KIF9: variants seen among roughly 807,000 people sequenced by gnomAD.
KIF9 encodes the protein kinesin-like protein KIF9.
A neutral mutation model predicts 94.8 loss-of-function variants in KIF9; 68 were observed. That is an observed-to-expected ratio of 0.72 (90% CI 0.59 to 0.88). KIF9 has a LOEUF of 0.88. KIF9 is among the 40% of genes least tolerant of loss of function. The pLI, the probability that KIF9 is intolerant of heterozygous loss-of-function variation, is 0.00. For missense variants in KIF9, 882 were observed against 982.5 expected (o/e 0.90, Z 1.37); for synonymous variants, 343 against 362.1 (o/e 0.95, Z 0.60).
At position 47,228,719 on chromosome 3, in the gene KIF9, G is replaced by A. The variant is rs777490046; in HGVS notation, c.2323-17C>T. The A allele has an allele frequency of 2.5e-6, 4 of 1,610,524 alleles. No individual in the cohort carries two copies. The South Asian group carries it at 4.4e-5, about 18-fold the overall frequency. ...GTAATTATGCTGGACACAGAGGGAA[G>A]AGAAAACAGGAACTTATTAGGAGGG... On this transcript the variant is annotated splice_polypyrimidine_tract_variant and intron_variant, in intron 20 of 20. Transcript: ENST00000684063.
At chr3:47,280,409 T>C (rs1425864899) in intron 1 of KIF9, among the ~76,000 whole-genome samples, 1 of 152,184 alleles carries the variant, frequency 6.6e-6, no homozygotes, top group Non-Finnish European at 1.5e-5. Context: ...ACAGGCCAGT[T>C]CAGAGCATCA....
chr3:47,257,704 A>G, intron 9 of KIF9, 144 bp from the exon 10 acceptor site: 1 of 666,670 alleles, frequency 1.5e-6, no homozygotes, highest in Non-Finnish European at 2.6e-6. Context: ...CCCCCAGAGG[A>G]CATTGGTCAA....
chr3:47,275,239 G>T, intron 3 of KIF9, 86 bp downstream of exon 3: 1 of 1,020,916 alleles, frequency 9.8e-7, no homozygotes, highest in South Asian at 1.6e-5. Flanking sequence ...GATAGTGAGT[G>T]AGCTTTTATT....
At chr3:47,240,699 G>T in intron 17 of KIF9, 102 bp downstream of exon 17, 1 of 953,036 alleles carries the variant, frequency 1.0e-6, no homozygotes, top group Non-Finnish European at 1.7e-6. Context: ...ACCCCCACTG[G>T]CCCCCTCCCA....
intron 17 of KIF9, chr3:47,240,208 C>A (rs564432589): frequency 4.2e-6 from 1 of 236,006 alleles, no homozygotes. Context: ...AGCACCCTCC[C>A]CACGTTGGGG....
chr3:47,245,982 C>T (rs1218625792), intron 13 of KIF9: 1 of 555,570 alleles, frequency 1.8e-6, no homozygotes, highest in African/African-American at 1.9e-5. Flanking sequence ...ATGCCCTGCT[C>T]TGGGCACTCT....
intron 2 of KIF9, among the ~76,000 whole-genome samples, chr3:47,275,893 C>A (rs1701934994): frequency 6.6e-6 from 1 of 152,190 alleles, no homozygotes; most frequent in Admixed American, 6.5e-5. Flanking sequence ...GGGCTCCAGC[C>A]TCATTGCTCT....
chr3:47,233,401 A>G (rs1235512421), intron 20 of KIF9, among the ~76,000 whole-genome samples: 1 of 147,076 alleles, frequency 6.8e-6, no homozygotes. Flanking sequence ...CTAAAAATTA[A>G]TAAGAAAAAA....
chr3:47,275,688 A>C (rs998441218), intron 2 of KIF9, among the ~76,000 whole-genome samples, 198 bp from the exon 3 acceptor site: 2 of 152,222 alleles, frequency 1.3e-5, no homozygotes, highest in Non-Finnish European at 2.9e-5. Context: ...GGAGATGGAA[A>C]GATCAGGAGA....
chr3:47,241,742 TATATATACGTATATATAC>T (rs1490391701), intron 16 of KIF9, among the ~76,000 whole-genome samples: 3 of 146,880 alleles, frequency 2.0e-5, no homozygotes, highest in African/African-American at 5.0e-5. Context: ...TATGTGTGTG[TATATATACGTATATATAC>T]ATATATACGT....
chr3:47,229,040 G>T (rs1698360634), intron 20 of KIF9, among the ~76,000 whole-genome samples: 1 of 152,194 alleles, frequency 6.6e-6, no homozygotes, highest in Non-Finnish European at 1.5e-5. Context: ...GAGGAGTTAG[G>T]GGCCAGGTAT....
At position 47,236,006 on chromosome 3, in the gene KIF9, G is replaced by GCCA. The variant is rs1245880875; in HGVS notation, c.2217+25_2217+27dup. 4 of 1,533,550 alleles carry GCCA rather than the reference G, an allele frequency of 2.6e-6. No homozygotes were observed. In the Admixed American group the frequency reaches 6.7e-5, roughly 26 times the overall value. 95.0% of individuals were successfully genotyped at this position (1,533,550 alleles called of 1,614,324 possible). On this transcript the variant is annotated intron_variant, in intron 19 of 20. Coordinates refer to ENST00000684063, the MANE Select transcript of KIF9 (RefSeq NM_182902.4). ...GCCCATTGCCCCATGTTCAACCACTGCCACACCCCTGCCCCTGTGCCGCTC... is the reference window on the plus strand; with the variant it reads ...GCCCATTGCCCCATGTTCAACCACTGCCACCACACCCCTGCCCCTGTGCCGCTC...
intron 9 of KIF9, among the ~76,000 whole-genome samples, chr3:47,262,038 C>G (rs1412287072): frequency 2.0e-5 from 3 of 152,234 alleles, no homozygotes; most frequent in South Asian, 4.1e-4. Context: ...ACCCCTCCAA[C>G]AGCTCCTCTG....
chr3:47,243,522 T>C (rs902956607), intron 15 of KIF9: 16 of 290,696 alleles, frequency 5.5e-5, no homozygotes, highest in Admixed American at 5.0e-4. Context: ...TCTCCAGGGA[T>C]TGAAAGTGTA....
At chr3:47,271,997 G>A (rs1302127592) in intron 4 of KIF9, among the ~76,000 whole-genome samples, 1 of 152,172 alleles carries the variant, frequency 6.6e-6, no homozygotes, top group Non-Finnish European at 1.5e-5. Context: ...GCGTGCGCCT[G>A]TAGTCCCAGC....
intron 10 of KIF9, among the ~76,000 whole-genome samples, chr3:47,253,542 T>C (rs896680700): frequency 6.6e-6 from 1 of 151,934 alleles, no homozygotes; most frequent in African/African-American, 2.4e-5. Context: ...TCCCCTCCCA[T>C]CCCAAAAGGA....
At chr3:47,256,828 G>C (rs1389702421) in intron 10 of KIF9, among the ~76,000 whole-genome samples, 2 of 152,228 alleles carry the variant, frequency 1.3e-5, no homozygotes, top group Admixed American at 6.5e-5. Context: ...GGATCCTGTT[G>C]ATCTGTGACC....
intron 9 of KIF9, among the ~76,000 whole-genome samples, chr3:47,258,183 G>A (rs1700742553): frequency 6.6e-6 from 1 of 152,150 alleles, no homozygotes; most frequent in African/African-American, 2.4e-5. Context: ...ATTTTAATAT[G>A]TTTTATTTAA....
At chr3:47,250,667 T>C in intron 10 of KIF9, 1 of 388,928 alleles carries the variant, frequency 2.6e-6, no homozygotes, top group Non-Finnish European at 5.5e-6. Flanking sequence ...GCTAAGTCAT[T>C]TTATACTCGA....
Sources: gnomAD v4.1 joint callset for allele counts (sites outside exome capture counted in the v4.1 genomes callset) on GRCh38, gnomAD v4.1.1 for gene constraint, MANE v1.5 for transcripts, NCBI Gene and HGNC (gene_info 2026-07-23, HGNC 2026-07-21) for gene names.